Variants in ACER3 observed in about 807,000 individuals in gnomAD.
The protein encoded by ACER3 is alkCDase 3.
A neutral mutation model predicts 48.9 loss-of-function variants in ACER3; 16 were observed. The ratio of observed to expected loss-of-function variants is 0.33; its 90% CI spans 0.22 to 0.50. ACER3 has a LOEUF of 0.50. Ranked by LOEUF, ACER3 falls within the 20% of genes least tolerant of loss-of-function variation. The pLI, the probability that ACER3 is intolerant of heterozygous loss-of-function variation, is 0.98. For synonymous variants in ACER3, 109 were observed against 107.8 expected (o/e 1.01, Z -0.07); for missense variants, 227 against 326.0 (o/e 0.70, Z 2.34).
chr11:76,993,388 A>G (rs1397333427), intron 6 of ACER3, among the ~76,000 whole-genome samples: 4 of 152,266 alleles, frequency 2.6e-5, no homozygotes, highest in Non-Finnish European at 5.9e-5. Flanking sequence ...TAACATTAAT[A>G]TACACAGGCA....
intron 1 of ACER3, among the ~76,000 whole-genome samples, chr11:76,893,001 C>T (rs900018211): frequency 1.3e-5 from 2 of 152,134 alleles, no homozygotes; most frequent in East Asian, 1.9e-4. Flanking sequence ...AAATTAGCAT[C>T]TCTATACACA....
chr11:76,950,352 CAT>C (rs774580764), intron 2 of ACER3, among the ~76,000 whole-genome samples: 4 of 36,050 alleles, frequency 1.1e-4, no homozygotes, highest in Non-Finnish European at 3.7e-4. Flanking sequence ...GTGACATGAT[CAT>C]ATATATATAT....
intron 9 of ACER3, among the ~76,000 whole-genome samples, chr11:77,017,830 C>T (rs1490253748): frequency 6.6e-6 from 1 of 152,018 alleles, no homozygotes; most frequent in Non-Finnish European, 1.5e-5. Context: ...GACATTTTTC[C>T]AGCAGCATGT....
At chr11:77,005,985 ATATATATTT>A (rs797026420) in intron 7 of ACER3, among the ~76,000 whole-genome samples, 5 of 39,280 alleles carry the variant, frequency 1.3e-4, no homozygotes, top group Non-Finnish European at 1.5e-4. Flanking sequence ...ATATATATAT[ATATATATTT>A]TTTTTTTTTT....
intron 1 of ACER3, among the ~76,000 whole-genome samples, chr11:76,877,519 T>C (rs1590869868): frequency 6.6e-6 from 1 of 151,776 alleles, no homozygotes; most frequent in African/African-American, 2.4e-5. Context: ...TTTCCTTTTT[T>C]TCCCCCCCAT....
intron 1 of ACER3, among the ~76,000 whole-genome samples, chr11:76,890,700 A>G (rs2134619434): frequency 6.6e-6 from 1 of 152,358 alleles, no homozygotes; most frequent in Non-Finnish European, 1.5e-5. Context: ...ATATGTACCA[A>G]ACATCTACTA....
intron 1 of ACER3, among the ~76,000 whole-genome samples, chr11:76,892,353 A>G (rs1051230082): frequency 6.6e-6 from 1 of 152,194 alleles, no homozygotes; most frequent in Non-Finnish European, 1.5e-5. Flanking sequence ...TTTTTAAAAA[A>G]TAAAAACCAG....
intron 1 of ACER3, among the ~76,000 whole-genome samples, chr11:76,903,436 G>A (rs1197061246): frequency 1.5e-5 from 2 of 137,080 alleles, no homozygotes; most frequent in Admixed American, 7.7e-5. Context: ...GAATGGAAAC[G>A]CCCCTCCCAC....
intron 7 of ACER3, among the ~76,000 whole-genome samples, chr11:77,000,399 A>G (rs183852377): frequency 3.3e-5 from 5 of 152,256 alleles, no homozygotes; most frequent in Admixed American, 3.3e-4. Flanking sequence ...CTCTCTTTCA[A>G]TGAGCAAACA....
At position 76,917,928 on chromosome 11, in the gene ACER3, T is replaced by C. The variant is rs531554256; in HGVS notation, c.104-8629T>C. 2.6e-5 allele frequency among the ~76,000 whole-genome samples: 4 copies of C among 152,024 alleles called. No individual in the cohort carries two copies. In the East Asian group the frequency reaches 5.8e-4, roughly 22 times the overall value. ...CTCTTGTAGTAATAAAAATCCCACA[T>C]TCCTGCATATCTTTTTATCTGTCAG... is the stretch of plus-strand genomic sequence containing the variant. On this transcript the variant is annotated intron_variant, in intron 1 of 10. Transcript: ENST00000532485.
chr11:76,941,566 T>C (rs996192513), intron 2 of ACER3, among the ~76,000 whole-genome samples: 1 of 152,116 alleles, frequency 6.6e-6, no homozygotes, highest in Non-Finnish European at 1.5e-5. Flanking sequence ...GCCTGTTCTT[T>C]TCACTTGAGG....
At chr11:76,983,449 G>C (rs979605251) in intron 4 of ACER3, among the ~76,000 whole-genome samples, 1 of 151,892 alleles carries the variant, frequency 6.6e-6, no homozygotes, top group East Asian at 1.9e-4. Context: ...TCAAGTAGCT[G>C]CGACTACAAG....
chr11:76,980,042 G>T (rs1468847700), intron 4 of ACER3, among the ~76,000 whole-genome samples: 1 of 152,058 alleles, frequency 6.6e-6, no homozygotes, highest in African/African-American at 2.4e-5. Context: ...GGAGGCTGAG[G>T]TGGGAGAATC....
At chr11:76,921,147 T>A (rs1946676356) in intron 1 of ACER3, among the ~76,000 whole-genome samples, 1 of 152,200 alleles carries the variant, frequency 6.6e-6, no homozygotes, top group Non-Finnish European at 1.5e-5. Flanking sequence ...ACCTGATTTA[T>A]CAATTTTTTG....
chr11:76,957,195 G>T (rs547789976), intron 2 of ACER3, among the ~76,000 whole-genome samples: 56 of 152,134 alleles, frequency 3.7e-4, no homozygotes, highest in African/African-American at 1.3e-3. Context: ...CCAATGACTG[G>T]ATCTTATCTT....
At position 76,985,714 on chromosome 11, in the gene ACER3, T is replaced by C. The variant is rs1948673943; in HGVS notation, c.392T>C (p.Ile131Thr). Residue 131 changes from isoleucine to threonine, a missense_variant, in exon 5 of 11, where the codon ATA (isoleucine) becomes ACA (threonine). Coordinates refer to ENST00000532485, the MANE Select transcript of ACER3 (RefSeq NM_018367.7). ...TTTACCTTAGTTCTATTCAGTTTAATAGTAACCACAGTAAGTCATATTTTG... is the reference window on the plus strand; with the variant it reads ...TTTACCTTAGTTCTATTCAGTTTAACAGTAACCACAGTAAGTCATATTTTG... ...LLFTLVLFSL[I>T]VTTVYLKVKE... 3.3e-6 allele frequency: 5 copies of C among 1,536,146 alleles called. No homozygotes were observed. Among genetic ancestry groups the C allele is most frequent in the Non-Finnish European group, 4.4e-6 (5 of 1,143,320 alleles).
chr11:76,866,282 A>G (rs1945087986), intron 1 of ACER3, among the ~76,000 whole-genome samples: 2 of 152,048 alleles, frequency 1.3e-5, no homozygotes, highest in African/African-American at 4.8e-5. Context: ...TTCTTGGCCA[A>G]TTCTCTCCTT....
rs555245350 is a variant in ACER3 at position 76,904,822 on chromosome 11, A to G, written c.104-21735A>G. Among the ~76,000 whole-genome samples, 3 of 148,444 alleles carry G rather than the reference A, an allele frequency of 2.0e-5. No homozygotes were observed. In the East Asian group the frequency reaches 5.8e-4, roughly 29 times the overall value. On this transcript the variant is annotated intron_variant, in intron 1 of 10. Coordinates refer to ENST00000532485, the MANE Select transcript of ACER3 (RefSeq NM_018367.7). Reference sequence around the variant, plus strand: ...CTTCTTAACCAGTTAATTATTTGCTATATGTCTTTTCTCTATGTATGTGTG... The same window carrying G: ...CTTCTTAACCAGTTAATTATTTGCTGTATGTCTTTTCTCTATGTATGTGTG...
chr11:77,008,919 G>C (rs546117530), intron 7 of ACER3, among the ~76,000 whole-genome samples: 1 of 152,218 alleles, frequency 6.6e-6, no homozygotes, highest in Admixed American at 6.5e-5. Flanking sequence ...AATTAGCCAG[G>C]TGTGGTGATG....
Sources: gnomAD v4.1 joint callset for allele counts (sites outside exome capture counted in the v4.1 genomes callset) on GRCh38, gnomAD v4.1.1 for gene constraint, MANE v1.5 for transcripts, NCBI Gene and HGNC (gene_info 2026-07-23, HGNC 2026-07-21) for gene names.